The following RBFOX1 variants were observed in gnomAD, a reference collection of about 807,000 sequenced individuals.
RBFOX1 encodes the protein RNA binding fox-1 homolog 1, also known as RNA binding protein fox-1 homolog 1.
In RBFOX1, 8 loss-of-function variants were observed where a neutral mutation model predicts 57.7. That is an observed-to-expected ratio of 0.14 (90% CI 0.08 to 0.25). The LOEUF is 0.25. Among genes scored for constraint, RBFOX1 ranks in the 10% least tolerant of loss-of-function variants. The pLI, the probability that RBFOX1 is intolerant of heterozygous loss-of-function variation, is 1.00. For missense variants in RBFOX1, 611 were observed against 548.5 expected (o/e 1.11, Z -1.14); for synonymous variants, 326 against 222.4 (o/e 1.47, Z -4.15).
intron 3 of RBFOX1, among the ~76,000 whole-genome samples, chr16:6,900,642 C>G (rs74660648): frequency 6.6e-6 from 1 of 152,162 alleles, no homozygotes; most frequent in Non-Finnish European, 1.5e-5. Flanking sequence ...GCCTGGAATT[C>G]TACCCTTCTT....
chr16:7,398,177 T>A (rs940567809), intron 4 of RBFOX1, among the ~76,000 whole-genome samples: 5 of 152,164 alleles, frequency 3.3e-5, no homozygotes, highest in African/African-American at 1.2e-4. Context: ...CAAGCATTGG[T>A]AGGAGATGCC....
At chr16:6,981,961 C>T (rs912836954) in intron 3 of RBFOX1, among the ~76,000 whole-genome samples, 1 of 152,160 alleles carries the variant, frequency 6.6e-6, no homozygotes, top group East Asian at 1.9e-4. Context: ...TTTTTATTGG[C>T]ACATGAAAAT....
intron 4 of RBFOX1, among the ~76,000 whole-genome samples, chr16:7,426,601 C>T (rs944025665): frequency 6.6e-6 from 1 of 152,122 alleles, no homozygotes; most frequent in Non-Finnish European, 1.5e-5. Context: ...AGGATCTCCC[C>T]CAATAAAATT....
chr16:7,251,956 A>C (rs1725840087), intron 4 of RBFOX1, among the ~76,000 whole-genome samples: 1 of 152,206 alleles, frequency 6.6e-6, no homozygotes, highest in South Asian at 2.1e-4. Context: ...TCCCACCAAC[A>C]GTGGGGCACT....
At chr16:7,079,211 G>T (rs2058781619) in intron 4 of RBFOX1, among the ~76,000 whole-genome samples, 1 of 152,110 alleles carries the variant, frequency 6.6e-6, no homozygotes, top group African/African-American at 2.4e-5. Context: ...GCGCGGGACT[G>T]CATATGTTTA....
intron 1 of RBFOX1, among the ~76,000 whole-genome samples, chr16:5,360,900 A>G (rs1297778346): frequency 6.6e-6 from 1 of 152,198 alleles, no homozygotes; most frequent in African/African-American, 2.4e-5. Flanking sequence ...CAGCACAAGC[A>G]CATCAAGAGG....
At chr16:6,516,929 T>A (rs369966158) in intron 2 of RBFOX1, among the ~76,000 whole-genome samples, 15 of 152,310 alleles carry the variant, frequency 9.8e-5, no homozygotes, top group African/African-American at 3.6e-4. Flanking sequence ...CTGGGAAAAC[T>A]AACCGCTTTC....
chr16:5,749,322 T>C (rs2053104952), intron 3 of RBFOX1, among the ~76,000 whole-genome samples: 1 of 152,190 alleles, frequency 6.6e-6, no homozygotes, highest in African/African-American at 2.4e-5. Context: ...TCAACTTCGG[T>C]GAATCTGACA....
chr16:5,431,923 C>T (rs144894054), intron 1 of RBFOX1, among the ~76,000 whole-genome samples: 29 of 152,164 alleles, frequency 1.9e-4, no homozygotes, highest in South Asian at 1.2e-3. Context: ...CAGTAGGATT[C>T]GAATCCTCTG....
intron 1 of RBFOX1, among the ~76,000 whole-genome samples, chr16:5,350,466 T>G (rs971070631): frequency 2.0e-5 from 3 of 152,152 alleles, no homozygotes; most frequent in African/African-American, 7.2e-5. Context: ...CAGTGTGGTT[T>G]TGGGTCCAGT....
chr16:6,963,760 G>A (rs538377792), intron 3 of RBFOX1, among the ~76,000 whole-genome samples: 33 of 152,008 alleles, frequency 2.2e-4, no homozygotes, highest in African/African-American at 6.8e-4. Flanking sequence ...GTGCATTGGC[G>A]CGATCTCGGC....
At chr16:7,098,587 A>G (rs2062095310) in intron 4 of RBFOX1, among the ~76,000 whole-genome samples, 1 of 152,214 alleles carries the variant, frequency 6.6e-6, no homozygotes. Context: ...ATTCGGTTAT[A>G]ATGTATTGGT....
In RBFOX1 at chr16:6,976,063, G is replaced by T. The variant is rs555015007; in HGVS notation, c.-15-75994G>T. The stretch of plus-strand genomic sequence containing the variant: ...AATTGCTTGAACCCAGTAGGTGGAG[G>T]TTTCAATGAGCCAAGATCGTCCCAC... On this transcript the variant is annotated intron_variant, in intron 3 of 15. Transcript: ENST00000550418. Among the ~76,000 whole-genome samples the T allele has an allele frequency of 3.9e-5, 6 of 152,234 alleles. No homozygotes were observed. The South Asian group carries it at 1.2e-3, about 32-fold the overall frequency.
At chr16:6,913,319 C>G (rs1012133791) in intron 3 of RBFOX1, among the ~76,000 whole-genome samples, 8 of 152,128 alleles carry the variant, frequency 5.3e-5, no homozygotes, top group African/African-American at 1.7e-4. Context: ...AAAGATTCAA[C>G]TGGGGATAAG....
At chr16:5,478,213 G>T (rs1489040350) in intron 2 of RBFOX1, among the ~76,000 whole-genome samples, 1 of 152,118 alleles carries the variant, frequency 6.6e-6, no homozygotes, top group African/African-American at 2.4e-5. Flanking sequence ...TCCCAATTTA[G>T]GTTAGACTAG....
At chr16:6,326,840 C>G (rs951706543) in intron 2 of RBFOX1, among the ~76,000 whole-genome samples, 1 of 152,094 alleles carries the variant, frequency 6.6e-6, no homozygotes, top group Non-Finnish European at 1.5e-5. Flanking sequence ...GCAGATGGCC[C>G]GAGAGCATAA....
intron 1 of RBFOX1, among the ~76,000 whole-genome samples, chr16:5,431,476 G>A (rs1167554937): frequency 6.6e-6 from 1 of 152,032 alleles, no homozygotes; most frequent in Non-Finnish European, 1.5e-5. Context: ...CTGGGTTCAA[G>A]CAATTCTTCT....
intron 3 of RBFOX1, among the ~76,000 whole-genome samples, chr16:5,822,685 A>ATG (rs1231905793): frequency 1.3e-5 from 2 of 152,178 alleles, no homozygotes; most frequent in Admixed American, 1.3e-4. Context: ...CTGTGGAATT[A>ATG]TGTCTTCTTG....
intron 4 of RBFOX1, among the ~76,000 whole-genome samples, chr16:7,151,331 A>G (rs879818593): frequency 6.6e-6 from 1 of 152,178 alleles, no homozygotes; most frequent in Non-Finnish European, 1.5e-5. Context: ...TAAACTTTAT[A>G]TTTTTTGACA....
Sources: allele counts gnomAD v4.1 joint callset (sites outside exome capture counted in the v4.1 genomes callset), GRCh38; gene constraint gnomAD v4.1.1; transcripts MANE v1.5; gene names NCBI Gene and HGNC (gene_info 2026-07-23, HGNC 2026-07-21).